The following MED13L variants were observed in gnomAD, a reference collection of about 807,000 sequenced individuals.
The protein encoded by MED13L is mediator of RNA polymerase II transcription subunit 13-like.
In MED13L, 7 loss-of-function variants were observed where a neutral mutation model predicts 220.9. That is an observed-to-expected ratio of 0.03 (90% CI 0.02 to 0.06). The LOEUF (loss-of-function observed/expected upper bound fraction) is 0.06. Among genes scored for constraint, MED13L ranks in the 10% least tolerant of loss-of-function variants. MED13L has a pLI of 1.00. For synonymous variants in MED13L, 1,011 were observed against 1,015.2 expected, an observed-to-expected ratio of 1.00 and a Z score of 0.08; for missense variants, 1,965 against 2,760.5, an observed-to-expected ratio of 0.71 and a Z score of 6.46.
chr12:116,277,025 CGGCACAG>C, intron 1 of MED13L, 28 bp downstream of exon 1: 24 of 1,434,082 alleles, frequency 1.7e-5, no homozygotes, highest in Non-Finnish European at 2.1e-5. Context: ...CCCCCTTCCC[CGGCACAG>C]CCCCCTCCCC....
chr12:116,063,697 C>T (rs1442409525), intron 4 of MED13L, among the ~76,000 whole-genome samples: 1 of 152,030 alleles, frequency 6.6e-6, no homozygotes, highest in Non-Finnish European at 1.5e-5. Flanking sequence ...CCACTACCTC[C>T]AAGGAAAAAA....
intron 2 of MED13L, among the ~76,000 whole-genome samples, chr12:116,202,065 G>A (rs1226706519): frequency 2.6e-5 from 4 of 152,166 alleles, no homozygotes; most frequent in African/African-American, 9.7e-5. Context: ...ATTCCTAGAA[G>A]ACAATATAGC....
At chr12:116,157,166 C>T (rs1318261058) in intron 2 of MED13L, among the ~76,000 whole-genome samples, 1 of 152,210 alleles carries the variant, frequency 6.6e-6, no homozygotes, top group Non-Finnish European at 1.5e-5. Flanking sequence ...ATTTCCCATA[C>T]TTAAATGTTC....
intron 2 of MED13L, among the ~76,000 whole-genome samples, chr12:116,130,563 A>T (rs1370719179): frequency 6.6e-6 from 1 of 152,274 alleles, no homozygotes; most frequent in Non-Finnish European, 1.5e-5. Context: ...AATGATAAGC[A>T]TCTTGGAATC....
At chr12:116,072,170 G>A (rs1870423692) in intron 4 of MED13L, among the ~76,000 whole-genome samples, 2 of 152,278 alleles carry the variant, frequency 1.3e-5, no homozygotes, top group South Asian at 2.1e-4. Context: ...CAGGTCTGTA[G>A]GGAAATACAG....
At chr12:116,086,913 ACTT>A (rs1871745641) in intron 4 of MED13L, among the ~76,000 whole-genome samples, 1 of 152,182 alleles carries the variant, frequency 6.6e-6, no homozygotes, top group Non-Finnish European at 1.5e-5. Flanking sequence ...TGGTAAGACT[ACTT>A]CTTTAAAATT....
At chr12:115,992,086 G>A in intron 16 of MED13L, 129 bp from the exon 17 acceptor site, 1 of 835,128 alleles carries the variant, frequency 1.2e-6, no homozygotes, top group Non-Finnish European at 2.0e-6. Context: ...GGATACACTG[G>A]TATATTTAAT....
intron 7 of MED13L, among the ~76,000 whole-genome samples, chr12:116,018,960 CA>C (rs1189268191): frequency 2.7e-5 from 4 of 148,856 alleles, no homozygotes; most frequent in Non-Finnish European, 5.9e-5. Context: ...TACACACATA[CA>C]GGGGCAGATG....
intron 23 of MED13L, among the ~76,000 whole-genome samples, chr12:115,979,288 T>C (rs998132672): frequency 1.3e-5 from 2 of 152,236 alleles, no homozygotes; most frequent in Non-Finnish European, 2.9e-5. Context: ...CTTTATCTTA[T>C]GAGCTCCTGA....
At chr12:116,272,435 C>T (rs532582854) in intron 1 of MED13L, among the ~76,000 whole-genome samples, 3 of 152,032 alleles carry the variant, frequency 2.0e-5, no homozygotes, top group East Asian at 1.9e-4. Flanking sequence ...TGGTGGCAGG[C>T]GCCTGTAATC....
rs57622950 is a variant in MED13L, at chr12:116,119,809, T to TAAA, written c.311-8300_311-8298dup. ...GCAAGAGAGAAAGACCCCATATCTT[T>TAAA]AAAAAAAAAAAAAAAAAAAAAAAAA... On this transcript the variant is annotated intron_variant, in intron 2 of 30. Coordinates refer to ENST00000281928, the MANE Select transcript of MED13L (RefSeq NM_015335.5). Among the ~76,000 whole-genome samples, 78 of 38,780 alleles carry TAAA rather than the reference T, an allele frequency of 2.0e-3. 2 individuals are homozygous for TAAA. Among genetic ancestry groups the TAAA allele is most frequent in the East Asian group, 4.9e-3 (7 of 1,432 alleles). 25.4% of individuals were successfully genotyped at this position (38,780 alleles called of 152,430 possible).
At position 115,969,573 on chromosome 12, in the gene MED13L, TTCTC is replaced by T. The variant is rs199898900; in HGVS notation, c.6068-480_6068-477del. Among the ~76,000 whole-genome samples, 9 of 150,790 alleles carry T rather than the reference TTCTC, an allele frequency of 6.0e-5. No individual in the cohort carries two copies. In the East Asian group the frequency reaches 1.2e-3, roughly 20 times the overall value. Reference sequence around the variant, plus strand: ...CAAAAGCAAATCAAAGCACAATGTTTTCTCTCTTTTTTTTTTTTTGAGATGGAGT... The same window carrying T: ...CAAAAGCAAATCAAAGCACAATGTTTTCTTTTTTTTTTTTTGAGATGGAGT... On this transcript the variant is annotated intron_variant, in intron 27 of 30. Coordinates refer to ENST00000281928, the MANE Select transcript of MED13L (RefSeq NM_015335.5).
chr12:116,152,309 T>C (rs1436294993), intron 2 of MED13L, among the ~76,000 whole-genome samples: 1 of 152,212 alleles, frequency 6.6e-6, no homozygotes, highest in East Asian at 1.9e-4. Flanking sequence ...TTTCCATTTC[T>C]AAATAAACTT....
intron 4 of MED13L, among the ~76,000 whole-genome samples, chr12:116,063,722 T>C (rs183340253): frequency 2.4e-4 from 36 of 152,284 alleles, no homozygotes; most frequent in Admixed American, 1.1e-3. Flanking sequence ...TTTATCAAAA[T>C]ACACACCTTT....
intron 2 of MED13L, among the ~76,000 whole-genome samples, chr12:116,233,257 GTA>G (rs1301497921): frequency 3.9e-5 from 6 of 152,026 alleles, no homozygotes; most frequent in Non-Finnish European, 7.4e-5. Flanking sequence ...ATGAATTATA[GTA>G]TATAATCATT....
At chr12:115,996,132 CCAGGCTGGAGGG>C (rs577479896) in intron 16 of MED13L, among the ~76,000 whole-genome samples, 201 of 152,076 alleles carry the variant, frequency 1.3e-3, no homozygotes, top group Middle Eastern at 3.4e-3. Context: ...ACTCTGTCGC[CCAGGCTGGAGGG>C]CAGTGGCGCG....
intron 4 of MED13L, among the ~76,000 whole-genome samples, chr12:116,076,305 T>C (rs552708733): frequency 4.6e-5 from 7 of 152,126 alleles, no homozygotes; most frequent in Non-Finnish European, 1.0e-4. Context: ...GGGAGGCTGA[T>C]AACAGAGGAC....
At chr12:116,092,937 G>T (rs1277425058) in intron 4 of MED13L, among the ~76,000 whole-genome samples, 1 of 152,142 alleles carries the variant, frequency 6.6e-6, no homozygotes, top group Non-Finnish European at 1.5e-5. Context: ...TACTATTTTT[G>T]TTAACTTAGC....
intron 29 of MED13L, 97 bp downstream of exon 29, chr12:115,965,985 A>G: frequency 7.1e-7 from 1 of 1,415,222 alleles, no homozygotes; most frequent in Non-Finnish European, 9.9e-7. Context: ...GGAACAGAAT[A>G]AGATTATGGT....
Sources: allele counts gnomAD v4.1 joint callset (sites outside exome capture counted in the v4.1 genomes callset), GRCh38; gene constraint gnomAD v4.1.1; transcripts MANE v1.5; gene names NCBI Gene and HGNC (gene_info 2026-07-23, HGNC 2026-07-21).